Variants in PDE4B observed in about 807,000 individuals in gnomAD.
The protein encoded by PDE4B is phosphodiesterase 4B.
PDE4B carries 20 observed loss-of-function variants against 82.2 expected under a neutral mutation model. The ratio of observed to expected loss-of-function variants is 0.24; its 90% CI spans 0.17 to 0.35. PDE4B has a LOEUF of 0.35. Among genes scored for constraint, PDE4B ranks in the 10% least tolerant of loss-of-function variants. The pLI, the probability that PDE4B is intolerant of heterozygous loss-of-function variation, is 1.00. For synonymous variants in PDE4B, 320 were observed against 318.9 expected (o/e 1.00, Z -0.04); for missense variants, 655 against 907.2 (o/e 0.72, Z 3.57).
At chr1:66,208,790 T>G (rs1649779439) in intron 3 of PDE4B, among the ~76,000 whole-genome samples, 1 of 152,246 alleles carries the variant, frequency 6.6e-6, no homozygotes, top group African/African-American at 2.4e-5. Flanking sequence ...ATATATTGAT[T>G]TATTAATTAC....
intron 3 of PDE4B, among the ~76,000 whole-genome samples, chr1:66,183,854 A>G (rs1382886063): frequency 6.6e-6 from 1 of 152,198 alleles, no homozygotes; most frequent in Non-Finnish European, 1.5e-5. Flanking sequence ...CTTAAATCAC[A>G]AGGCAGAATA....
chr1:65,866,732 A>G (rs552342996), intron 1 of PDE4B, among the ~76,000 whole-genome samples: 1 of 152,368 alleles, frequency 6.6e-6, no homozygotes, highest in African/African-American at 2.4e-5. Flanking sequence ...CAGTCAGCAT[A>G]TTCCAGTCAA....
At chr1:66,018,591 T>C (rs534543576) in intron 3 of PDE4B, among the ~76,000 whole-genome samples, 9 of 152,320 alleles carry the variant, frequency 5.9e-5, no homozygotes, top group Non-Finnish European at 1.2e-4. Flanking sequence ...TAATATCTTA[T>C]ATCAAAATAT....
intron 3 of PDE4B, among the ~76,000 whole-genome samples, chr1:66,124,739 G>C (rs1036587325): frequency 6.7e-6 from 1 of 149,562 alleles, no homozygotes; most frequent in Non-Finnish European, 1.5e-5. Flanking sequence ...CATCAATGAG[G>C]GGAAAAAAAA....
intron 3 of PDE4B, among the ~76,000 whole-genome samples, chr1:66,079,688 T>G (rs1656623232): frequency 6.6e-6 from 1 of 152,120 alleles, no homozygotes; most frequent in Non-Finnish European, 1.5e-5. Flanking sequence ...TCTTTGATAT[T>G]ATTTGAAGAT....
At chr1:66,314,558 AC>A (rs1658889656) in intron 7 of PDE4B, among the ~76,000 whole-genome samples, 1 of 151,912 alleles carries the variant, frequency 6.6e-6, no homozygotes, top group African/African-American at 2.4e-5. Flanking sequence ...GATTACAGGA[AC>A]CCACCACTAT....
intron 1 of PDE4B, among the ~76,000 whole-genome samples, chr1:65,849,831 T>C (rs1467956252): frequency 6.6e-6 from 1 of 152,202 alleles, no homozygotes; most frequent in African/African-American, 2.4e-5. Context: ...TACAAAGGGT[T>C]GTGACACCTG....
intron 3 of PDE4B, among the ~76,000 whole-genome samples, chr1:65,983,454 A>G (rs1650794120): frequency 6.6e-6 from 1 of 152,216 alleles, no homozygotes; most frequent in Non-Finnish European, 1.5e-5. Context: ...TCTAACCCCC[A>G]GTACCTCAGA....
At chr1:65,922,473 T>C (rs1390415155) in intron 3 of PDE4B, among the ~76,000 whole-genome samples, 3 of 152,202 alleles carry the variant, frequency 2.0e-5, no homozygotes, top group Non-Finnish European at 4.4e-5. Flanking sequence ...AAGCAAGATG[T>C]TATCTTTAAT....
Position 66,338,255 on chromosome 1 carries a change from T to C in PDE4B, c.747+5635T>C, listed in dbSNP as rs181754038. 7.9e-3 allele frequency among the ~76,000 whole-genome samples: 1,200 copies of C among 152,352 alleles called. 8 individuals are homozygous for C. The highest frequency in any genetic ancestry group is 0.013 in the Non-Finnish European group (887 of 68,032). On this transcript the variant is annotated intron_variant, in intron 8 of 16. Coordinates refer to ENST00000341517, the MANE Select transcript of PDE4B (RefSeq NM_002600.4). ...AGGATTCATATCCAGTCCATCTGAC[T>C]TACCATCAATGATCCCAATGAGGCA...
intron 3 of PDE4B, among the ~76,000 whole-genome samples, chr1:66,100,479 C>T (rs1162908610): frequency 1.3e-5 from 2 of 152,084 alleles, no homozygotes; most frequent in African/African-American, 4.8e-5. Context: ...CATGTAAATG[C>T]TTAATAAATA....
At chr1:65,951,290 C>A (rs150107146) in intron 3 of PDE4B, among the ~76,000 whole-genome samples, 44 of 152,084 alleles carry the variant, frequency 2.9e-4, no homozygotes, top group African/African-American at 1.0e-3. Context: ...TTTCCATGTG[C>A]CAGTGAAAAT....
intron 3 of PDE4B, among the ~76,000 whole-genome samples, chr1:66,091,311 A>G (rs1444363193): frequency 6.6e-6 from 1 of 152,094 alleles, no homozygotes; most frequent in Non-Finnish European, 1.5e-5. Flanking sequence ...CCTTGGTTAT[A>G]TGTAATGACA....
chr1:66,031,110 A>C (rs1405635668), intron 3 of PDE4B, among the ~76,000 whole-genome samples: 6 of 152,190 alleles, frequency 3.9e-5, no homozygotes, highest in Non-Finnish European at 8.8e-5. Flanking sequence ...TTTAATCCAT[A>C]ATAAAAGTTG....
chr1:66,208,484 C>A (rs1649747974), intron 3 of PDE4B, among the ~76,000 whole-genome samples: 1 of 152,186 alleles, frequency 6.6e-6, no homozygotes, highest in Non-Finnish European at 1.5e-5. Context: ...CTTGAAGATT[C>A]TTCTGGAATG....
intron 3 of PDE4B, among the ~76,000 whole-genome samples, chr1:65,988,293 A>G (rs931102125): frequency 2.0e-5 from 3 of 152,226 alleles, no homozygotes; most frequent in African/African-American, 4.8e-5. Context: ...CTTTTCAATC[A>G]TGTTAGAATA....
intron 3 of PDE4B, among the ~76,000 whole-genome samples, chr1:65,929,235 A>G (rs1475888385): frequency 2.6e-5 from 4 of 152,184 alleles, no homozygotes; most frequent in Admixed American, 6.5e-5. Context: ...CAGGCGGCAC[A>G]GGGTTTATCT....
At position 66,295,498 on chromosome 1, in the gene PDE4B, G is replaced by A. The variant is rs1440583806; in HGVS notation, c.634+29411G>A. 3.3e-5 allele frequency among the ~76,000 whole-genome samples: 5 copies of A among 151,600 alleles called. No homozygotes were observed. The East Asian group carries it at 7.7e-4, about 23-fold the overall frequency. ...GTCATGAGTGCAGTAGTGCAATCTC[G>A]GCTCACTTCAACATCCACTGCCCAG... On this transcript the variant is annotated intron_variant, in intron 7 of 16. Coordinates refer to ENST00000341517, the MANE Select transcript of PDE4B (RefSeq NM_002600.4).
At chr1:66,162,553 G>C (rs1409554226) in intron 3 of PDE4B, among the ~76,000 whole-genome samples, 4 of 151,950 alleles carry the variant, frequency 2.6e-5, no homozygotes, top group Non-Finnish European at 5.9e-5. Context: ...TGCAGGTTGA[G>C]TATCCCTTAT....
Sources: gnomAD v4.1 joint callset for allele counts (sites outside exome capture counted in the v4.1 genomes callset) on GRCh38, gnomAD v4.1.1 for gene constraint, MANE v1.5 for transcripts, NCBI Gene and HGNC (gene_info 2026-07-23, HGNC 2026-07-21) for gene names.